The following GRID2 variants were observed in gnomAD, a reference collection of about 807,000 sequenced individuals.
The protein encoded by GRID2 is glutamate receptor ionotropic, delta-2.
A neutral mutation model predicts 114.8 loss-of-function variants in GRID2; 33 were observed. That is an observed-to-expected ratio of 0.29 (90% confidence interval 0.22 to 0.38). The LOEUF is 0.38. GRID2 is among the 10% of genes least tolerant of loss of function. The pLI is 1.00. For synonymous variants in GRID2, 505 were observed against 449.9 expected (o/e 1.12, Z -1.55); for missense variants, 1,184 against 1,257.7 (o/e 0.94, Z 0.89).
Position 93,154,152 on chromosome 4 carries a change from C to A in GRID2, c.735+43199C>A, listed in dbSNP as rs145356479. ...GAAAATAATAATTGAACAAATTCAC[C>A]CTCAGGAGTAATGATACCAGCTCTA... On this transcript the variant is annotated intron_variant, in intron 4 of 15. Transcript: ENST00000282020. 4.2e-3 allele frequency among the ~76,000 whole-genome samples: 634 copies of A among 152,028 alleles called. 8 individuals carry two copies. Among genetic ancestry groups the A allele is most frequent in the African/African-American group, 0.015 (611 of 41,498 alleles).
At chr4:93,789,803 G>A (rs1471740670) in intron 1 of GRID2, among the ~76,000 whole-genome samples, 1 of 152,110 alleles carries the variant, frequency 6.6e-6, no homozygotes, top group African/African-American at 2.4e-5. Flanking sequence ...AGAAATATAT[G>A]AACCTCTAGA....
intron 2 of GRID2, among the ~76,000 whole-genome samples, chr4:92,850,827 A>G (rs1177801708): frequency 6.6e-6 from 1 of 152,104 alleles, no homozygotes; most frequent in East Asian, 1.9e-4. Flanking sequence ...GATGTGTTCA[A>G]AAATACCATT....
intron 1 of GRID2, among the ~76,000 whole-genome samples, chr4:92,389,770 A>G (rs1579284555): frequency 6.6e-6 from 1 of 152,090 alleles, no homozygotes; most frequent in South Asian, 2.1e-4. Flanking sequence ...TACTCAGATA[A>G]CCCTGTGTTA....
At chr4:93,482,855 G>A (rs1726011336) in intron 11 of GRID2, among the ~76,000 whole-genome samples, 1 of 151,794 alleles carries the variant, frequency 6.6e-6, no homozygotes, top group Non-Finnish European at 1.5e-5. Flanking sequence ...ATCTACCCTA[G>A]CTTGCAAATG....
chr4:93,426,291 A>G (rs1279438669), intron 10 of GRID2, among the ~76,000 whole-genome samples: 2 of 152,172 alleles, frequency 1.3e-5, no homozygotes, highest in Admixed American at 1.3e-4. Context: ...GTGCCCCTTC[A>G]TCTTCTATTC....
At chr4:93,376,443 GA>G (rs549382151) in intron 8 of GRID2, among the ~76,000 whole-genome samples, 23 of 144,800 alleles carry the variant, frequency 1.6e-4, no homozygotes, top group African/African-American at 2.8e-4. Context: ...GGAAACTACA[GA>G]AAAAAAAAAT....
chr4:92,536,863 T>C (rs1725662642), intron 1 of GRID2, among the ~76,000 whole-genome samples: 1 of 152,188 alleles, frequency 6.6e-6, no homozygotes, highest in South Asian at 2.1e-4. Flanking sequence ...AAAAAATGTT[T>C]CTTTTCTGTT....
chr4:92,441,584 G>A (rs144933483), intron 1 of GRID2, among the ~76,000 whole-genome samples: 5 of 152,246 alleles, frequency 3.3e-5, no homozygotes, highest in South Asian at 2.1e-4. Flanking sequence ...TGTAAGGCTC[G>A]TCTGGTTTTA....
chr4:93,657,630 T>G (rs1436138021), intron 14 of GRID2, among the ~76,000 whole-genome samples: 4 of 151,932 alleles, frequency 2.6e-5, no homozygotes, highest in Non-Finnish European at 5.9e-5. Context: ...CAAGCGTAGA[T>G]GTAGGAGGAA....
At chr4:93,118,790 G>C (rs1211471714) in intron 4 of GRID2, among the ~76,000 whole-genome samples, 1 of 152,186 alleles carries the variant, frequency 6.6e-6, no homozygotes, top group Admixed American at 6.6e-5. Flanking sequence ...TGAGGTCAGA[G>C]ACACAACCAA....
chr4:93,390,543 C>T (rs116374617), intron 8 of GRID2, among the ~76,000 whole-genome samples: 1,915 of 152,184 alleles, frequency 0.013, 45 homozygotes, highest in African/African-American at 0.043. Flanking sequence ...CAACAGCACA[C>T]GCAAAGTAAG....
chr4:92,453,122 A>G (rs1210557394), intron 1 of GRID2, among the ~76,000 whole-genome samples: 1 of 152,024 alleles, frequency 6.6e-6, no homozygotes, highest in African/African-American at 2.4e-5. Context: ...AGAATTTATC[A>G]TGCAAGAGAT....
At chr4:92,638,689 CAG>C (rs1210623775) in intron 2 of GRID2, among the ~76,000 whole-genome samples, 1 of 149,770 alleles carries the variant, frequency 6.7e-6, no homozygotes, top group African/African-American at 2.4e-5. Context: ...TAAGGAAAAA[CAG>C]ATGAGAACTC....
chr4:93,461,013 A>G (rs1042821742), intron 11 of GRID2, among the ~76,000 whole-genome samples: 4 of 152,262 alleles, frequency 2.6e-5, no homozygotes, highest in African/African-American at 9.6e-5. Flanking sequence ...TTTGGAGCAC[A>G]CCCAGGAAAA....
In GRID2 at chr4:93,773,358, T is replaced by C. The variant is rs1734243081; in HGVS notation, c.*860T>C. 1.3e-5 allele frequency: 2 copies of C among 152,180 alleles called. No individual in the cohort carries two copies. The highest frequency in any genetic ancestry group is 1.3e-4 in the Admixed American group (2 of 15,268). The allele number at this position is 152,180 out of a possible 1,614,324, so 9.4% of individuals were successfully genotyped here. A position where few individuals can be genotyped will look rare whatever the true frequency, so the allele number is the denominator to read the frequency against. Reference sequence around the variant, plus strand: ...GGAACTATGTATAGTGCAGGGGTTCTTTTCAGTTAGAAAAGGCAGGTTGCT... The same window carrying C: ...GGAACTATGTATAGTGCAGGGGTTCCTTTCAGTTAGAAAAGGCAGGTTGCT... On this transcript the variant is annotated 3_prime_UTR_variant, in exon 16 of 16. Transcript: ENST00000282020.
intron 3 of GRID2, among the ~76,000 whole-genome samples, chr4:93,109,396 G>A (rs1405611933): frequency 6.6e-6 from 1 of 152,172 alleles, no homozygotes; most frequent in Non-Finnish European, 1.5e-5. Flanking sequence ...AAAGAATTCA[G>A]AAGAAGAAAG....
chr4:92,814,565 T>C (rs1034930632), intron 2 of GRID2, among the ~76,000 whole-genome samples: 1 of 152,088 alleles, frequency 6.6e-6, no homozygotes, highest in Non-Finnish European at 1.5e-5. Flanking sequence ...AAGTCACCCA[T>C]AGGGAGGATC....
chr4:92,960,358 T>C (rs112640505), intron 2 of GRID2, among the ~76,000 whole-genome samples: 2,258 of 152,096 alleles, frequency 0.015, 20 homozygotes, highest in East Asian at 0.053. Flanking sequence ...GATAGAGGGG[T>C]GCTGAAGTTT....
intron 1 of GRID2, among the ~76,000 whole-genome samples, chr4:92,356,371 A>G (rs1334750921): frequency 6.6e-6 from 1 of 151,404 alleles, no homozygotes; most frequent in African/African-American, 2.4e-5. Context: ...CTATATATTT[A>G]TATATTTTTT....
Sources: gnomAD v4.1 joint callset for allele counts (sites outside exome capture counted in the v4.1 genomes callset) on GRCh38, gnomAD v4.1.1 for gene constraint, MANE v1.5 for transcripts, NCBI Gene and HGNC (gene_info 2026-07-23, HGNC 2026-07-21) for gene names.